The following CTTN variants were observed in gnomAD, a reference collection of about 807,000 sequenced individuals.
CTTN encodes the protein src substrate cortactin.
Under a neutral mutation model 84.0 loss-of-function variants are expected in CTTN, and 28 were observed. That is an observed-to-expected ratio of 0.33 (90% CI 0.25 to 0.46). The LOEUF is 0.46. CTTN is among the 20% of genes least tolerant of loss of function. CTTN has a pLI of 1.00. For synonymous variants in CTTN, 301 were observed against 288.8 expected (o/e 1.04, Z -0.43); for missense variants, 641 against 723.8 (o/e 0.89, Z 1.31).
chr11:70,423,114 G>C, intron 12 of CTTN, 119 bp downstream of exon 12: 8 of 1,003,448 alleles, frequency 8.0e-6, no homozygotes, highest in Non-Finnish European at 8.7e-6. Flanking sequence ...TTTCCGTCGT[G>C]GTGGTGGTGG....
chr11:70,401,306 T>TAA (rs71049908), intron 1 of CTTN, among the ~76,000 whole-genome samples: 20 of 146,962 alleles, frequency 1.4e-4, no homozygotes, highest in African/African-American at 3.5e-4. Flanking sequence ...CCGTCTCTAC[T>TAA]AAAAAAAAAA....
At chr11:70,404,680 A>C (rs909702940) in intron 1 of CTTN, among the ~76,000 whole-genome samples, 1 of 152,270 alleles carries the variant, frequency 6.6e-6, no homozygotes, top group African/African-American at 2.4e-5. Flanking sequence ...CTAGCAATTA[A>C]GGCAATAATT....
chr11:70,410,923 G>A (rs1377894442), intron 5 of CTTN, among the ~76,000 whole-genome samples: 1 of 152,164 alleles, frequency 6.6e-6, no homozygotes, highest in Non-Finnish European at 1.5e-5. Flanking sequence ...ACCTTGCTCT[G>A]TCCCCCGCAG....
intron 2 of CTTN, among the ~76,000 whole-genome samples, chr11:70,406,141 C>T (rs542288709): frequency 6.6e-6 from 1 of 152,346 alleles, no homozygotes; most frequent in Admixed American, 6.5e-5. Context: ...GTTCCAGGGG[C>T]ACTGTTAGTC....
chr11:70,435,832 G>T lies in CTTN; in HGVS notation c.*670G>T. The T allele has an allele frequency of 6.5e-7, 1 of 1,537,522 alleles. No homozygotes were observed. The highest frequency in any genetic ancestry group is 1.2e-5 in the South Asian group (1 of 84,136). On this transcript the variant is annotated 3_prime_UTR_variant, in exon 18 of 18. Coordinates refer to ENST00000301843, the MANE Select transcript of CTTN (RefSeq NM_005231.4). ...CCCATCCCCTGATGCCCAGGTCACC[G>T]GGAGGGCTGCTGGGAGCCTCTCCTG... is the stretch of plus-strand genomic sequence containing the variant.
Position 70,425,396 on chromosome 11 carries a change from A to G in CTTN, c.1022A>G (p.Glu341Gly), listed in dbSNP as rs1484087890. 2.5e-6 allele frequency: 4 copies of G among 1,610,862 alleles called. No individual in the cohort carries two copies. The highest frequency in any genetic ancestry group is 3.4e-6 in the Non-Finnish European group (4 of 1,178,400). Residue 341 changes from glutamate to glycine, a missense_variant, in exon 13 of 18, where the codon GAA (glutamate) becomes GGA (glycine). Physicochemically the swap from Glu to Gly is moderately conservative, Grantham distance 98. Coordinates refer to ENST00000301843, the MANE Select transcript of CTTN (RefSeq NM_005231.4). ...SSAYQKTVPVEAVTSKTSNIR... is the reference protein window; with the variant it reads ...SSAYQKTVPVGAVTSKTSNIR... ...GCCTACCAGAAGACAGTACCTGTCG[A>G]AGCTGGTGAGTCCCGGCTGATACCA...
chr11:70,434,981 G>C (rs774958606), intron 17 of CTTN, 45 bp from the exon 18 acceptor site: 3 of 1,605,374 alleles, frequency 1.9e-6, no homozygotes, highest in South Asian at 2.2e-5. Context: ...GGCAGACCAG[G>C]AAACGCTTGC....
chr11:70,407,452 A>ATGGGG, intron 3 of CTTN, 66 bp from the exon 4 acceptor site: 1 of 1,612,200 alleles, frequency 6.2e-7, no homozygotes, highest in Non-Finnish European at 8.5e-7. Context: ...TTTTTCTTTG[A>ATGGGG]TGGGGTGGTG....
rs546445926 is a variant in CTTN at position 70,409,807 on chromosome 11, C to G, written c.162-24C>G. The G allele has an allele frequency of 5.1e-5, 83 of 1,612,958 alleles. No homozygotes were observed. In the Admixed American group the frequency reaches 7.7e-4, roughly 15 times the overall value. On this transcript the variant is annotated intron_variant, in intron 4 of 17. Coordinates refer to ENST00000301843, the MANE Select transcript of CTTN (RefSeq NM_005231.4). ...TGCACGTCTGTTTTATTGATCTGTT[C>G]CTATTTTCATCTCTTCCATCAAGCA...
At chr11:70,423,132 G>A (rs913105632) in intron 12 of CTTN, 137 bp downstream of exon 12, 9 of 1,066,458 alleles carry the variant, frequency 8.4e-6, no homozygotes, top group East Asian at 2.6e-5. Flanking sequence ...TGGTGGTGGC[G>A]ATGACTGACT....
intron 16 of CTTN, 57 bp from the exon 17 acceptor site, chr11:70,433,590 G>A: frequency 7.6e-7 from 1 of 1,314,452 alleles, no homozygotes; most frequent in Non-Finnish European, 1.1e-6. Context: ...AACTTGAGAA[G>A]GCTGGGAACC....
At chr11:70,428,219 G>A (rs2058320141) in intron 13 of CTTN, among the ~76,000 whole-genome samples, 1 of 132,644 alleles carries the variant, frequency 7.5e-6, no homozygotes. Flanking sequence ...AGACTGGAGT[G>A]CAGTGGCACA....
chr11:70,419,520 A>G (rs1344722474), intron 8 of CTTN, among the ~76,000 whole-genome samples: 2 of 152,194 alleles, frequency 1.3e-5, no homozygotes, highest in African/African-American at 2.4e-5. Flanking sequence ...CTCCCTTCTC[A>G]GCCTCCTGAG....
At chr11:70,422,827 T>C in intron 11 of CTTN, 113 bp from the exon 12 acceptor site, 1 of 1,557,192 alleles carries the variant, frequency 6.4e-7, no homozygotes, top group Non-Finnish European at 8.7e-7. Context: ...TCTCGTTTCT[T>C]CCCGCTGTGG....
At chr11:70,428,958 C>A in intron 13 of CTTN, 93 bp from the exon 14 acceptor site, 3 of 1,474,938 alleles carry the variant, frequency 2.0e-6, no homozygotes, top group South Asian at 2.4e-5. Context: ...ATGACCGGTT[C>A]CTGGGGAGGT....
At position 70,435,832 on chromosome 11, in the gene CTTN, G is replaced by A. The variant is rs1386649463; in HGVS notation, c.*670G>A. On this transcript the variant is annotated 3_prime_UTR_variant, in exon 18 of 18. Coordinates refer to ENST00000301843, the MANE Select transcript of CTTN (RefSeq NM_005231.4). ...CCCATCCCCTGATGCCCAGGTCACC[G>A]GGAGGGCTGCTGGGAGCCTCTCCTG... 2.6e-5 allele frequency: 40 copies of A among 1,537,522 alleles called. No individual in the cohort carries two copies. The highest frequency in any genetic ancestry group is 5.5e-5 in the African/African-American group (4 of 72,980).
At chr11:70,434,274 T>G (rs2058389341) in intron 17 of CTTN, among the ~76,000 whole-genome samples, 1 of 152,238 alleles carries the variant, frequency 6.6e-6, no homozygotes, top group Non-Finnish European at 1.5e-5. Flanking sequence ...TTGGAGACCA[T>G]GCGGTGGGGC....
intron 15 of CTTN, among the ~76,000 whole-genome samples, 164 bp downstream of exon 15, chr11:70,431,444 G>C (rs533394497): frequency 6.6e-6 from 1 of 152,176 alleles, no homozygotes; most frequent in African/African-American, 2.4e-5. Context: ...GCGCCTGGGG[G>C]GTGGGTGACA....
Position 70,414,633 on chromosome 11 carries a change from A to G in CTTN, c.383A>G (p.Gln128Arg). The G allele has an allele frequency of 6.2e-7, 1 of 1,613,822 alleles. No individual in the cohort carries two copies. The highest frequency in any genetic ancestry group is 8.5e-7 in the Non-Finnish European group (1 of 1,179,678). The change falls in exon 6 of 18, where the codon CAG (glutamine) becomes CGG (arginine). Residue 128 changes from glutamine to arginine, a missense_variant. Transcript: ENST00000301843. ...GGCTTCGGAGGCAAGTTTGGTGTCC[A>G]GATGGACAGAGTTGATCAGGTGAGT... is the stretch of plus-strand genomic sequence containing the variant. The part of the protein sequence containing the change: ...VRGFGGKFGV[Q>R]MDRVDQSAVG...
Sources: allele counts gnomAD v4.1 joint callset (sites outside exome capture counted in the v4.1 genomes callset), GRCh38; gene constraint gnomAD v4.1.1; transcripts MANE v1.5; gene names NCBI Gene and HGNC (gene_info 2026-07-23, HGNC 2026-07-21).